Variants in SYCE2 observed in about 807,000 individuals in gnomAD.
The protein encoded by SYCE2 is synaptonemal complex central element protein 2.
Under a neutral mutation model 27.9 loss-of-function variants are expected in SYCE2, and 3 were observed. The ratio of observed to expected loss-of-function variants is 0.11; its 90% CI spans 0.05 to 0.28. The LOEUF (loss-of-function observed/expected upper bound fraction) is 0.28. Ranked by LOEUF, SYCE2 falls within the 10% of genes least tolerant of loss-of-function variation. SYCE2 has a pLI of 1.00. For missense variants in SYCE2, 207 were observed against 263.5 expected, an observed-to-expected ratio of 0.79 and a Z score of 1.48; for synonymous variants, 85 against 100.7, an observed-to-expected ratio of 0.84 and a Z score of 0.93.
At chr19:12,909,527 T>C (rs2145974390) in intron 2 of SYCE2, among the ~76,000 whole-genome samples, 1 of 152,180 alleles carries the variant, frequency 6.6e-6, no homozygotes, top group South Asian at 2.1e-4. Context: ...TGTCTCAAAA[T>C]CCCCTCATTT....
At chr19:12,913,278 C>T (rs1971079395) in intron 2 of SYCE2, among the ~76,000 whole-genome samples, 1 of 152,220 alleles carries the variant, frequency 6.6e-6, no homozygotes, top group Non-Finnish European at 1.5e-5. Context: ...CCAGGAGCTG[C>T]GGAGGAAATG....
intron 3 of SYCE2, among the ~76,000 whole-genome samples, chr19:12,903,527 C>T (rs1970881906): frequency 6.6e-6 from 1 of 151,892 alleles, no homozygotes; most frequent in African/African-American, 2.4e-5. Flanking sequence ...GCTGGGACTA[C>T]AGGCGCGCAC....
rs1334244744 is a variant in SYCE2 at position 12,918,263 on chromosome 19, C to G, written c.90G>C (p.Trp30Cys). ...PLGESKEHPR[W>C]EENCEEEAGG... is the part of the protein sequence containing the mutation. ...CAGCTTCCTCCTCGCAGTTCTCTTC[C>G]CACCGCGGATGCTCCTTGCTCTCCC... Residue 30 changes from tryptophan (W) to cysteine (C), a missense_variant, in exon 2 of 6, where the codon TGG becomes TGC. Physicochemically the swap from Trp to Cys is radical, Grantham distance 215 (BLOSUM62 -2). Transcript: ENST00000293695. The G allele has an allele frequency of 6.2e-7, 1 of 1,614,176 alleles. No individual in the cohort carries two copies. Among genetic ancestry groups the G allele is most frequent in the East Asian group, 2.2e-5 (1 of 44,886 alleles).
At chr19:12,902,214 A>G (rs1158674416) in intron 3 of SYCE2, among the ~76,000 whole-genome samples, 1 of 152,064 alleles carries the variant, frequency 6.6e-6, no homozygotes, top group African/African-American at 2.4e-5. Flanking sequence ...TGTAAATTCA[A>G]TCTATGATGT....
intron 3 of SYCE2, among the ~76,000 whole-genome samples, chr19:12,903,223 C>T (rs1316987910): frequency 1.3e-5 from 2 of 151,368 alleles, no homozygotes; most frequent in Non-Finnish European, 2.9e-5. Context: ...TCCTGAGTAG[C>T]TGGGACTACA....
Position 12,899,710 on chromosome 19 carries a change from G to A in SYCE2, c.612+294C>T, listed in dbSNP as rs1363224173. 1.9e-6 allele frequency: 3 copies of A among 1,612,294 alleles called. No individual in the cohort carries two copies. The South Asian group carries it at 3.3e-5, about 18-fold the overall frequency. ...ATTTCCCTTCTGAAGTCGTTCAGATGTGTTCCTTAAAAAGAAGATGGAATT... is the reference window on the plus strand; with the variant it reads ...ATTTCCCTTCTGAAGTCGTTCAGATATGTTCCTTAAAAAGAAGATGGAATT... On this transcript the variant is annotated intron_variant, in intron 5 of 5. Coordinates refer to ENST00000293695, the MANE Select transcript of SYCE2 (RefSeq NM_001105578.2).
At chr19:12,912,554 G>A (rs1014175391) in intron 2 of SYCE2, among the ~76,000 whole-genome samples, 3 of 152,072 alleles carry the variant, frequency 2.0e-5, no homozygotes, top group African/African-American at 7.2e-5. Flanking sequence ...ACTGACATTG[G>A]GGCTCCCACA....
At chr19:12,916,123 G>A (rs1971133676) in intron 2 of SYCE2, among the ~76,000 whole-genome samples, 1 of 150,406 alleles carries the variant, frequency 6.6e-6, no homozygotes, top group South Asian at 2.1e-4. Context: ...AGGATGGAGT[G>A]CAATGGTGCT....
intron 3 of SYCE2, among the ~76,000 whole-genome samples, chr19:12,902,394 A>C (rs1254376904): frequency 3.3e-5 from 5 of 152,112 alleles, no homozygotes; most frequent in Admixed American, 3.3e-4. Context: ...TATCTTTTCT[A>C]CTAGAGGCCA....
intron 2 of SYCE2, 113 bp downstream of exon 2, chr19:12,918,109 T>C: frequency 1.2e-6 from 1 of 839,142 alleles, no homozygotes; most frequent in Admixed American, 2.3e-5. Flanking sequence ...CAAGACGCTG[T>C]GTTAGGAGGG....
chr19:12,907,946 T>C (rs964305078), intron 2 of SYCE2, among the ~76,000 whole-genome samples: 1 of 152,096 alleles, frequency 6.6e-6, no homozygotes, highest in Non-Finnish European at 1.5e-5. Context: ...ACCCCATCTC[T>C]ACAAAAAACA....
chr19:12,919,079 TTCAG>T (rs1320124256), intron 1 of SYCE2, among the ~76,000 whole-genome samples, 160 bp downstream of exon 1: 1 of 151,768 alleles, frequency 6.6e-6, no homozygotes, highest in Non-Finnish European at 1.5e-5. Context: ...CAGGGCCGGG[TTCAG>T]TCAGTCAGGA....
At chr19:12,918,466 CGGGCAGGGCTGGGGCAGGTGCCATGA>C in intron 1 of SYCE2, 129 bp from the exon 2 acceptor site, 2 of 809,196 alleles carry the variant, frequency 2.5e-6, no homozygotes, top group Non-Finnish European at 4.0e-6. Flanking sequence ...GCAGGAAAGA[CGGGCAGGGCTGGGGCAGGTGCCATGA>C]GGGCAGGGGC....
At chr19:12,906,962 G>A (rs1599633918) in intron 2 of SYCE2, among the ~76,000 whole-genome samples, 1 of 152,178 alleles carries the variant, frequency 6.6e-6, no homozygotes, top group Non-Finnish European at 1.5e-5. Context: ...AATGCATTGT[G>A]AATGAAGTTT....
chr19:12,907,594 C>G (rs1970960046), intron 2 of SYCE2, among the ~76,000 whole-genome samples: 1 of 151,566 alleles, frequency 6.6e-6, no homozygotes, highest in Non-Finnish European at 1.5e-5. Flanking sequence ...AGTTCGAGAT[C>G]AGCCTGGCCA....
chr19:12,914,293 A>G (rs908799213), intron 2 of SYCE2: 2 of 152,188 alleles, frequency 1.3e-5, no homozygotes, highest in Non-Finnish European at 2.9e-5. Context: ...CCTGATTCGT[A>G]GTGTTTGCCA....
At chr19:12,911,786 T>G (rs141834371) in intron 2 of SYCE2, among the ~76,000 whole-genome samples, 1 of 151,956 alleles carries the variant, frequency 6.6e-6, no homozygotes, top group African/African-American at 2.4e-5. Context: ...CCCAGCTAAT[T>G]TTTGTATTTT....
rs1239365305 is a variant in SYCE2 at position 12,898,996 on chromosome 19, C to G, written c.*345G>C. 3.9e-5 allele frequency: 14 copies of G among 358,428 alleles called. No individual in the cohort carries two copies. Among genetic ancestry groups the G allele is most frequent in the Non-Finnish European group, 7.5e-5 (14 of 187,820 alleles). 22.2% of individuals were successfully genotyped at this position (358,428 alleles called of 1,614,324 possible). Reference sequence around the variant, plus strand: ...TTCCGATGTGCTGTCCCTCCTATCCCTCCCGAGGGTAAGAAAGGGCTTGCT... The same window carrying G: ...TTCCGATGTGCTGTCCCTCCTATCCGTCCCGAGGGTAAGAAAGGGCTTGCT... On this transcript the variant is annotated 3_prime_UTR_variant, in exon 6 of 6. Coordinates refer to ENST00000293695, the MANE Select transcript of SYCE2 (RefSeq NM_001105578.2).
intron 2 of SYCE2, among the ~76,000 whole-genome samples, chr19:12,910,191 C>T (rs1971017350): frequency 6.6e-6 from 1 of 151,758 alleles, no homozygotes; most frequent in Non-Finnish European, 1.5e-5. Flanking sequence ...TCTAAATCTA[C>T]CATCATTAGC....
Sources: allele counts gnomAD v4.1 joint callset (sites outside exome capture counted in the v4.1 genomes callset), GRCh38; gene constraint gnomAD v4.1.1; transcripts MANE v1.5; gene names NCBI Gene and HGNC (gene_info 2026-07-23, HGNC 2026-07-21).